Variants in KALRN observed in about 807,000 individuals in gnomAD.
The protein encoded by KALRN is kalirin.
A neutral mutation model predicts 353.7 loss-of-function variants in KALRN; 70 were observed. That is an observed-to-expected ratio of 0.20 (90% CI 0.16 to 0.24). The LOEUF is 0.24. KALRN is among the 10% of genes least tolerant of loss of function. The pLI is 1.00. For missense variants in KALRN, 2,791 were observed against 3,756.7 expected (o/e 0.74, Z 6.72); for synonymous variants, 1,391 against 1,434.8 (o/e 0.97, Z 0.69).
intron 5 of KALRN, among the ~76,000 whole-genome samples, chr3:124,280,224 G>T (rs1054498568): frequency 6.6e-6 from 1 of 152,218 alleles, no homozygotes; most frequent in African/African-American, 2.4e-5. Flanking sequence ...ATTCTTCTGA[G>T]CATTTCCAGG....
chr3:124,054,418 G>T (rs1036880036), intron 1 of KALRN, among the ~76,000 whole-genome samples: 1 of 90,712 alleles, frequency 1.1e-5, no homozygotes, highest in Non-Finnish European at 2.6e-5. Context: ...GGAGGCAAAT[G>T]GAGAACATGC....
intron 15 of KALRN, among the ~76,000 whole-genome samples, chr3:124,430,148 G>A (rs1214297728): frequency 6.6e-6 from 1 of 152,192 alleles, no homozygotes; most frequent in East Asian, 1.9e-4. Context: ...AAGAAACCAG[G>A]AAGTCTGTGG....
intron 34 of KALRN, among the ~76,000 whole-genome samples, chr3:124,594,044 T>C (rs2076049052): frequency 6.6e-6 from 1 of 152,082 alleles, no homozygotes; most frequent in African/African-American, 2.4e-5. Flanking sequence ...AAATCAAAAC[T>C]TAGGCAAACA....
In KALRN at chr3:124,188,591, G is replaced by C. The variant is rs183518603; in HGVS notation, c.74-39399G>C. Among the ~76,000 whole-genome samples, 106 of 152,304 alleles carry C rather than the reference G, an allele frequency of 7.0e-4. No individual in the cohort carries two copies. In the South Asian group the frequency reaches 0.014, roughly 20 times the overall value. ...GGGTCTTGTAATTAAGAGTATGATAGAAGGAAGTACTTTGGATAGGGAGAA... is the reference window on the plus strand; with the variant it reads ...GGGTCTTGTAATTAAGAGTATGATACAAGGAAGTACTTTGGATAGGGAGAA... On this transcript the variant is annotated intron_variant, in intron 1 of 59. Coordinates refer to ENST00000682506, the MANE Select transcript of KALRN (RefSeq NM_001388419.1).
rs2062126234 is a variant in KALRN at position 124,482,792 on chromosome 3, G to A, written c.4192-16G>A. 1 of 1,573,710 alleles carries A rather than the reference G, an allele frequency of 6.4e-7. No homozygotes were observed. Among genetic ancestry groups the A allele is most frequent in the South Asian group, 1.1e-5 (1 of 90,282 alleles). On this transcript the variant is annotated splice_polypyrimidine_tract_variant and intron_variant, in intron 27 of 59. Coordinates refer to ENST00000682506, the MANE Select transcript of KALRN (RefSeq NM_001388419.1). ...ACCCCTCTGTGTCTAATTGCACATT[G>A]TTCTCATCCCTGCAGGAGATACAAC... is the stretch of plus-strand genomic sequence containing the variant.
chr3:124,441,904 C>A, intron 18 of KALRN, 41 bp from the exon 19 acceptor site: 1 of 1,285,778 alleles, frequency 7.8e-7, no homozygotes, highest in Non-Finnish European at 1.1e-6. Context: ...GGATTCCATA[C>A]ACCTGCTGGG....
intron 10 of KALRN, among the ~76,000 whole-genome samples, chr3:124,378,005 CT>C (rs2086822930): frequency 6.6e-6 from 1 of 152,044 alleles, no homozygotes; most frequent in African/African-American, 2.4e-5. Context: ...ATCTGACAAT[CT>C]CTGCCTTTTG....
At chr3:124,461,219 A>G (rs1338557175) in intron 23 of KALRN, among the ~76,000 whole-genome samples, 1 of 152,206 alleles carries the variant, frequency 6.6e-6, no homozygotes, top group East Asian at 1.9e-4. Flanking sequence ...TAGTGTCCAT[A>G]AATGTTTTTA....
intron 9 of KALRN, among the ~76,000 whole-genome samples, chr3:124,336,875 G>A (rs1285756203): frequency 2.6e-5 from 4 of 151,984 alleles, no homozygotes; most frequent in African/African-American, 4.8e-5. Context: ...AGTTGTATAC[G>A]TAGGTATTTT....
chr3:124,719,270 G>A lies in KALRN; in HGVS notation c.8761G>A (p.Glu2921Lys), dbSNP rs184120997. 6.2e-7 allele frequency: 1 copy of A among 1,614,212 alleles called. No individual in the cohort carries two copies. The highest frequency in any genetic ancestry group is 1.7e-5 in the Admixed American group (1 of 60,030). The change falls in exon 60 of 60, where the codon GAA becomes AAA. Residue 2921 changes from glutamate to lysine, a missense_variant. Glu to Lys is a moderately conservative substitution (Grantham distance 56, BLOSUM62 1). Around this residue, in one of 11 missense-constraint regions of KALRN, gnomAD observed 188 missense variants for 402.9 expected, o/e 0.47. Coordinates refer to ENST00000682506, the MANE Select transcript of KALRN (RefSeq NM_001388419.1). This position sits in a 1 kb window ranked among gnomAD's most constrained non-coding sequence, Gnocchi z 5.3. ...AGATTTCATCAATGTGATCTTACAG[G>A]AAGATTTTCGGAGGCGGCCCACAGC... ...ARDFINVILQEDFRRRPTAAT... is the reference protein window; with the variant it reads ...ARDFINVILQKDFRRRPTAAT...
chr3:124,492,073 G>T (rs1176847857), intron 31 of KALRN, among the ~76,000 whole-genome samples: 1 of 152,106 alleles, frequency 6.6e-6, no homozygotes, highest in Non-Finnish European at 1.5e-5. Context: ...GCAGTCATTT[G>T]CTTGTCAGGA....
chr3:124,186,839 G>A (rs1166288008), intron 1 of KALRN, among the ~76,000 whole-genome samples: 1 of 152,178 alleles, frequency 6.6e-6, no homozygotes, highest in Non-Finnish European at 1.5e-5. Context: ...AGTCCTCCAA[G>A]CCTGAGTGTA....
At chr3:124,302,735 G>A (rs937579298) in intron 6 of KALRN, among the ~76,000 whole-genome samples, 2 of 152,220 alleles carry the variant, frequency 1.3e-5, no homozygotes, top group African/African-American at 4.8e-5. Flanking sequence ...AAAAGTTCAA[G>A]ATCAAGGTGA....
At chr3:124,132,217 C>T (rs534977708) in intron 1 of KALRN, among the ~76,000 whole-genome samples, 34 of 152,204 alleles carry the variant, frequency 2.2e-4, no homozygotes, top group Non-Finnish European at 4.4e-4. Flanking sequence ...AATTACACAA[C>T]CACTTTCCTA....
intron 3 of KALRN, among the ~76,000 whole-genome samples, chr3:124,236,231 T>A (rs2079744389): frequency 6.6e-6 from 1 of 152,132 alleles, no homozygotes; most frequent in African/African-American, 2.4e-5. Flanking sequence ...GGGTTATATC[T>A]GAAGAAGAAC....
chr3:124,098,450 G>A (rs1357756185), intron 1 of KALRN, among the ~76,000 whole-genome samples: 1 of 152,164 alleles, frequency 6.6e-6, no homozygotes, highest in African/African-American at 2.4e-5. Flanking sequence ...ACTTTGCCCT[G>A]CCTTAGTTTC....
chr3:124,522,226 TACAG>T (rs2067222223), intron 33 of KALRN, among the ~76,000 whole-genome samples: 1 of 151,826 alleles, frequency 6.6e-6, no homozygotes, highest in South Asian at 2.1e-4. Flanking sequence ...ATTTATATAA[TACAG>T]ATACATATGT....
At chr3:124,472,097 G>C (rs971379469) in intron 25 of KALRN, among the ~76,000 whole-genome samples, 1 of 152,070 alleles carries the variant, frequency 6.6e-6, no homozygotes, top group Non-Finnish European at 1.5e-5. Context: ...TCTTCCCATA[G>C]GTTTTTGGTA....
intron 3 of KALRN, among the ~76,000 whole-genome samples, chr3:124,263,590 TAAAAAA>T (rs375263556): frequency 7.0e-6 from 1 of 143,702 alleles, no homozygotes; most frequent in Non-Finnish European, 1.5e-5. Context: ...CCTGACTCTT[TAAAAAA>T]AAAAAAAGTA....
Sources: gnomAD v4.1 joint callset for allele counts (sites outside exome capture counted in the v4.1 genomes callset) on GRCh38, gnomAD v4.1.1 for gene constraint, gnomAD v4.1.1 regional missense constraint, Gnocchi (gnomAD v3.1) non-coding constraint, MANE v1.5 for transcripts, NCBI Gene and HGNC (gene_info 2026-07-23, HGNC 2026-07-21) for gene names.